The following KHDRBS3 variants were observed in gnomAD, a reference collection of about 807,000 sequenced individuals.
The protein encoded by KHDRBS3 is KH domain-containing, RNA-binding, signal transduction-associated protein 3.
In KHDRBS3, 23 loss-of-function variants were observed where a neutral mutation model predicts 45.6. That is an observed-to-expected ratio of 0.50 (90% CI 0.36 to 0.72). KHDRBS3 has a LOEUF of 0.72. Ranked by LOEUF, KHDRBS3 falls within the 30% of genes least tolerant of loss-of-function variation. KHDRBS3 has a pLI of 0.00. For synonymous variants in KHDRBS3, 162 were observed against 156.5 expected (o/e 1.04, Z -0.26); for missense variants, 352 against 424.8 (o/e 0.83, Z 1.51).
chr8:135,468,256 A>G (rs1003459944), intron 1 of KHDRBS3, among the ~76,000 whole-genome samples: 7 of 152,080 alleles, frequency 4.6e-5, no homozygotes, highest in African/African-American at 7.2e-5. Context: ...TGTAACAGCA[A>G]CTTGTTCTCT....
chr8:135,637,198 TA>T (rs1830849788), intron 7 of KHDRBS3, among the ~76,000 whole-genome samples: 1 of 152,256 alleles, frequency 6.6e-6, no homozygotes, highest in Admixed American at 6.5e-5. Context: ...GGAAATTTTT[TA>T]GTCATTTACC....
chr8:135,457,736 C>T lies in KHDRBS3; in HGVS notation c.-131C>T. 4.5e-6 allele frequency: 1 copy of T among 221,128 alleles called. No individual in the cohort carries two copies. Among genetic ancestry groups the T allele is most frequent in the South Asian group, 1.5e-4 (1 of 6,742 alleles). 13.7% of individuals were successfully genotyped at this position (221,128 alleles called of 1,614,324 possible). A position where few individuals can be genotyped will look rare whatever the true frequency, so the allele number is the denominator to read the frequency against. On this transcript the variant is annotated 5_prime_UTR_variant, in exon 1 of 9. Transcript: ENST00000355849. The surrounding 1 kb of genome is among the most constrained non-coding windows in gnomAD (Gnocchi z 4.4). ...CCGCCGCCGCCTTCCGGCCGACCGC[C>T]CGGCTTGGCCGCTGCTGCCGCGTCT...
intron 1 of KHDRBS3, among the ~76,000 whole-genome samples, chr8:135,488,490 TA>T (rs910583899): frequency 2.0e-5 from 3 of 151,942 alleles, no homozygotes; most frequent in Non-Finnish European, 4.4e-5. Flanking sequence ...GAGAAACACT[TA>T]AAAAAAAATT....
At chr8:135,478,470 C>T (rs188883399) in intron 1 of KHDRBS3, among the ~76,000 whole-genome samples, 2 of 152,220 alleles carry the variant, frequency 1.3e-5, no homozygotes, top group East Asian at 3.9e-4. Flanking sequence ...ACATTGTAAG[C>T]CAACTAGACT....
chr8:135,475,924 A>G (rs2130263367), intron 1 of KHDRBS3, among the ~76,000 whole-genome samples: 1 of 152,200 alleles, frequency 6.6e-6, no homozygotes, highest in South Asian at 2.1e-4. Flanking sequence ...TCCCAAACCC[A>G]TGCTGTTTCT....
intron 6 of KHDRBS3, among the ~76,000 whole-genome samples, chr8:135,605,703 C>G (rs1398919197): frequency 1.3e-5 from 2 of 151,998 alleles, no homozygotes; most frequent in Non-Finnish European, 2.9e-5. Flanking sequence ...TCTATGAATA[C>G]TGTATTTTTT....
intron 7 of KHDRBS3, among the ~76,000 whole-genome samples, chr8:135,637,649 T>A (rs996755921): frequency 2.0e-5 from 3 of 152,198 alleles, no homozygotes; most frequent in African/African-American, 7.2e-5. Flanking sequence ...ACATTATTAT[T>A]ACAGGCGAGT....
intron 7 of KHDRBS3, among the ~76,000 whole-genome samples, chr8:135,614,488 A>G (rs1829832738): frequency 6.6e-6 from 1 of 151,864 alleles, no homozygotes; most frequent in Non-Finnish European, 1.5e-5. Context: ...CTGAAAAAGT[A>G]TAAATTCTCC....
intron 3 of KHDRBS3, among the ~76,000 whole-genome samples, chr8:135,546,542 T>C (rs1826312481): frequency 6.6e-6 from 1 of 152,240 alleles, no homozygotes; most frequent in African/African-American, 2.4e-5. Context: ...TCATTTATAC[T>C]ATACAATAAT....
chr8:135,635,810 A>G (rs933024063), intron 7 of KHDRBS3, among the ~76,000 whole-genome samples: 3 of 152,240 alleles, frequency 2.0e-5, no homozygotes, highest in South Asian at 4.1e-4. Flanking sequence ...GGCATCATGC[A>G]TGCATCATTT....
At chr8:135,483,917 G>C (rs974229917) in intron 1 of KHDRBS3, among the ~76,000 whole-genome samples, 7 of 152,138 alleles carry the variant, frequency 4.6e-5, no homozygotes, top group African/African-American at 1.7e-4. Context: ...GATGTAAGAT[G>C]ACTTTGAATG....
At chr8:135,527,094 T>C (rs4633097) in intron 2 of KHDRBS3, among the ~76,000 whole-genome samples, 121,834 of 152,062 alleles carry the variant, frequency 0.8, 49,334 homozygotes, top group East Asian at 0.96. Flanking sequence ...TTTTTATTCA[T>C]TGGTTCATCC....
chr8:135,600,553 G>A (rs1263024397), intron 6 of KHDRBS3, among the ~76,000 whole-genome samples: 2 of 152,204 alleles, frequency 1.3e-5, no homozygotes, highest in East Asian at 3.8e-4. Flanking sequence ...TGTGTGGACT[G>A]ATGGATTCTC....
At chr8:135,602,975 T>G (rs904945533) in intron 6 of KHDRBS3, among the ~76,000 whole-genome samples, 11 of 152,230 alleles carry the variant, frequency 7.2e-5, no homozygotes, top group African/African-American at 2.7e-4. Context: ...CCTCCATTGT[T>G]TTTCACCTGC....
At chr8:135,574,069 A>G (rs1289508567) in intron 5 of KHDRBS3, among the ~76,000 whole-genome samples, 2 of 152,124 alleles carry the variant, frequency 1.3e-5, no homozygotes, top group East Asian at 1.9e-4. Context: ...CATGTTATCA[A>G]TCCAGCTGTT....
chr8:135,544,515 C>CA (rs1250724061), intron 3 of KHDRBS3, among the ~76,000 whole-genome samples: 1 of 152,110 alleles, frequency 6.6e-6, no homozygotes, highest in Non-Finnish European at 1.5e-5. Flanking sequence ...TGTCAATAGC[C>CA]AGTGATCCTT....
chr8:135,619,855 A>G (rs969371876), intron 7 of KHDRBS3, among the ~76,000 whole-genome samples: 22 of 152,212 alleles, frequency 1.4e-4, no homozygotes, highest in Admixed American at 5.2e-4. Context: ...GTTTATGGTC[A>G]GGGAAACTGG....
intron 5 of KHDRBS3, among the ~76,000 whole-genome samples, chr8:135,569,268 G>A (rs571104997): frequency 9.2e-5 from 14 of 152,172 alleles, no homozygotes; most frequent in African/African-American, 2.6e-4. Context: ...TAATTCTGAC[G>A]TGCACTGAAA....
At chr8:135,506,484 A>G (rs1207161559) in intron 1 of KHDRBS3, among the ~76,000 whole-genome samples, 1 of 151,556 alleles carries the variant, frequency 6.6e-6, no homozygotes, top group African/African-American at 2.4e-5. Context: ...GCTCACTGCA[A>G]ACCCTGCCTT....
Sources: gnomAD v4.1 joint callset for allele counts (sites outside exome capture counted in the v4.1 genomes callset) on GRCh38, gnomAD v4.1.1 for gene constraint, Gnocchi (gnomAD v3.1) non-coding constraint, MANE v1.5 for transcripts, NCBI Gene and HGNC (gene_info 2026-07-23, HGNC 2026-07-21) for gene names.